Variants in SMC3 observed in about 807,000 individuals in gnomAD.
SMC3 encodes the protein structural maintenance of chromosomes 3.
A neutral mutation model predicts 171.8 loss-of-function variants in SMC3; 20 were observed. That is an observed-to-expected ratio of 0.12 (90% CI 0.08 to 0.17). The LOEUF (loss-of-function observed/expected upper bound fraction) is 0.17. Among genes scored for constraint, SMC3 ranks in the 10% least tolerant of loss-of-function variants. The pLI is 1.00. For missense variants in SMC3, 543 were observed against 1,420.4 expected (o/e 0.38, Z 9.93); for synonymous variants, 464 against 451.1 (o/e 1.03, Z -0.36).
Position 110,590,426 on chromosome 10 carries a change from A to T in SMC3, c.1524A>T (p.Gly508=). 6.2e-7 allele frequency: 1 copy of T among 1,613,994 alleles called. No homozygotes were observed. The highest frequency in any genetic ancestry group is 8.5e-7 in the Non-Finnish European group (1 of 1,179,862). ...RAATGKAILN[G]IDSINKVLDH... is the part of the protein sequence containing the mutation. ...ACAACTTACAGGCCATTTTAAATGGAATAGACAGCATAAACAAAGTGCTAG... is the reference window on the plus strand; with the variant it reads ...ACAACTTACAGGCCATTTTAAATGGTATAGACAGCATAAACAAAGTGCTAG... Residue 508 remains glycine, a synonymous_variant, in exon 16 of 29, where the codon GGA becomes GGT. Transcript: ENST00000361804.
intron 6 of SMC3, among the ~76,000 whole-genome samples, chr10:110,578,175 G>A (rs1445016731): frequency 1.3e-5 from 2 of 152,152 alleles, no homozygotes; most frequent in East Asian, 3.9e-4. Flanking sequence ...CCGGGTTCAA[G>A]CTATTCTGCT....
intron 9 of SMC3, 140 bp downstream of exon 9, chr10:110,582,238 A>G (rs890270442): frequency 5.2e-6 from 4 of 768,532 alleles, no homozygotes; most frequent in Admixed American, 2.6e-5. Flanking sequence ...TTAGTCAGCA[A>G]GTTTTTTTAG....
chr10:110,578,380 A>C lies in SMC3; in HGVS notation c.351-248A>C, dbSNP rs115808938. Among the ~76,000 whole-genome samples the C allele has an allele frequency of 4.8e-3, 727 of 152,294 alleles. 7 individuals carry two copies. The highest frequency in any genetic ancestry group is 0.016 in the African/African-American group (651 of 41,564). ...GCCACTGCGCCCAGCCCGCAATTTT[A>C]TGATTTCCTTACAAAAGAGTAAAAA... is the stretch of plus-strand genomic sequence containing the variant. On this transcript the variant is annotated intron_variant, in intron 6 of 28. Transcript: ENST00000361804.
At position 110,603,245 on chromosome 10, in the gene SMC3, G is replaced by C; in HGVS notation, c.3537G>C (p.Leu1179=). 1 of 1,608,754 alleles carries C rather than the reference G, an allele frequency of 6.2e-7. No homozygotes were observed. Among genetic ancestry groups the C allele is most frequent in the Non-Finnish European group, 8.5e-7 (1 of 1,176,964 alleles). The change falls in exon 28 of 29, where the codon CTG becomes CTC. Residue 1179 remains leucine, a synonymous_variant. Transcript: ENST00000361804. The stretch of plus-strand genomic sequence containing the variant: ...TTACAACTACTTTTAGGCCTGAACT[G>C]CTTGAGTCAGCTGACAAATTCTATG... ...QFITTTFRPE[L]LESADKFYGV...
At chr10:110,597,164 CA>C (rs1861313678) in intron 19 of SMC3, among the ~76,000 whole-genome samples, 2 of 147,324 alleles carry the variant, frequency 1.4e-5, no homozygotes, top group East Asian at 2.0e-4. Context: ...AAAAAGGTGA[CA>C]GGGGAGGGTG....
At chr10:110,596,214 C>A (rs1359956084) in intron 18 of SMC3, among the ~76,000 whole-genome samples, 184 bp from the exon 19 acceptor site, 1 of 98,834 alleles carries the variant, frequency 1.0e-5, no homozygotes, top group East Asian at 3.0e-4. Flanking sequence ...AAGAGCAAGA[C>A]CCTGTCTCAA....
chr10:110,583,416 A>G lies in SMC3; in HGVS notation c.837A>G (p.Thr279=), dbSNP rs151335692. The change falls in exon 11 of 29, where the codon ACA becomes ACG. Residue 279 remains threonine (T), a synonymous_variant. Transcript: ENST00000361804. ...AACGCCAAGTTAGAGAATTGAAAAC[A>G]AAAATTTCAGCTATGAAAGAAGAAA... The part of the protein sequence containing the change: ...DIERQVRELK[T]KISAMKEEKE... 763 of 1,614,042 alleles carry G rather than the reference A, an allele frequency of 4.7e-4. No homozygotes were observed. The highest frequency in any genetic ancestry group is 6.2e-4 in the Non-Finnish European group (733 of 1,179,950).
intron 16 of SMC3, 114 bp from the exon 17 acceptor site, chr10:110,590,877 C>T: frequency 1.1e-6 from 1 of 932,498 alleles, no homozygotes; most frequent in South Asian, 1.4e-5. Flanking sequence ...TTTAAAAGTG[C>T]ACACCTTTAG....
chr10:110,585,524 C>T (rs909282348), intron 13 of SMC3, among the ~76,000 whole-genome samples: 2 of 149,572 alleles, frequency 1.3e-5, no homozygotes, highest in Middle Eastern at 3.6e-3. Context: ...CTCCTGACCT[C>T]GAGATCCACC....
rs140883710 is a variant in SMC3 at position 110,572,898 on chromosome 10, T to C, written c.92-809T>C. Among the ~76,000 whole-genome samples the C allele has an allele frequency of 3.3e-3, 503 of 152,304 alleles. 3 individuals are homozygous for C. The highest frequency in any genetic ancestry group is 0.011 in the African/African-American group (468 of 41,566). ...TATTCCCCCCACCAATAATTTATAA[T>C]TTATTTGGCCATTTTGATGCTCAGA... On this transcript the variant is annotated intron_variant, in intron 2 of 28. Coordinates refer to ENST00000361804, the MANE Select transcript of SMC3 (RefSeq NM_005445.4).
At chr10:110,603,561 T>G (rs113824463) in intron 28 of SMC3, among the ~76,000 whole-genome samples, 1 of 152,358 alleles carries the variant, frequency 6.6e-6, no homozygotes, top group African/African-American at 2.4e-5. Context: ...TTAACAATTA[T>G]ATATGTTCAT....
At chr10:110,599,900 G>T (rs1164728270) in intron 21 of SMC3, 88 bp downstream of exon 21, 12 of 1,159,734 alleles carry the variant, frequency 1.0e-5, no homozygotes, top group African/African-American at 1.5e-5. Context: ...CAATATGAAA[G>T]AAAAGAACTG....
In SMC3 at chr10:110,604,502, T is replaced by G. The variant is rs1861439036; in HGVS notation, c.*200T>G. 1.7e-5 allele frequency: 9 copies of G among 516,080 alleles called. 1 individual carries two copies. The East Asian group carries it at 3.0e-4, about 17-fold the overall frequency. 32.0% of individuals were successfully genotyped at this position (516,080 alleles called of 1,614,324 possible). A position where few individuals can be genotyped will look rare whatever the true frequency, so the allele number is the denominator to read the frequency against. The stretch of plus-strand genomic sequence containing the variant: ...CTGATAGTTTAAGAATTTAATTTCC[T>G]GTACAACTTTTTGTAAAATGTTCTG... On this transcript the variant is annotated 3_prime_UTR_variant, in exon 29 of 29. Coordinates refer to ENST00000361804, the MANE Select transcript of SMC3 (RefSeq NM_005445.4).
chr10:110,580,027 A>C (rs1044905660), intron 7 of SMC3, among the ~76,000 whole-genome samples: 2 of 152,336 alleles, frequency 1.3e-5, no homozygotes, highest in South Asian at 4.1e-4. Flanking sequence ...CCATGGATCA[A>C]AAATATTTAA....
chr10:110,595,276 G>C (rs1861281169), intron 18 of SMC3, among the ~76,000 whole-genome samples: 1 of 152,080 alleles, frequency 6.6e-6, no homozygotes, highest in Non-Finnish European at 1.5e-5. Context: ...ACCATGCCCG[G>C]TCTAGATTCT....
At chr10:110,574,635 C>A (rs1860920157) in intron 3 of SMC3, among the ~76,000 whole-genome samples, 1 of 152,218 alleles carries the variant, frequency 6.6e-6, no homozygotes, top group Admixed American at 6.5e-5. Flanking sequence ...CCTGTGTCCA[C>A]AGCACACACA....
intron 13 of SMC3, among the ~76,000 whole-genome samples, chr10:110,588,284 C>T (rs1336386760): frequency 6.6e-6 from 1 of 152,128 alleles, no homozygotes; most frequent in African/African-American, 2.4e-5. Context: ...GCCACCGCGC[C>T]CGGCCAATCT....
At chr10:110,588,929 T>C (rs767811198) in intron 13 of SMC3, among the ~76,000 whole-genome samples, 2 of 152,164 alleles carry the variant, frequency 1.3e-5, no homozygotes, top group African/African-American at 4.8e-5. Flanking sequence ...TAATGGACTA[T>C]TATGAGAACT....
intron 17 of SMC3, among the ~76,000 whole-genome samples, chr10:110,591,402 C>T (rs1165881769): frequency 2.0e-5 from 3 of 152,064 alleles, no homozygotes; most frequent in Non-Finnish European, 4.4e-5. Context: ...GAGAAAAAAG[C>T]TAAGATATGA....
Sources: gnomAD v4.1 joint callset for allele counts (sites outside exome capture counted in the v4.1 genomes callset) on GRCh38, gnomAD v4.1.1 for gene constraint, MANE v1.5 for transcripts, NCBI Gene and HGNC (gene_info 2026-07-23, HGNC 2026-07-21) for gene names.